Variants in MAP3K20 observed in about 807,000 individuals in gnomAD.
MAP3K20 encodes the protein HCCS-4.
In MAP3K20, 40 loss-of-function variants were observed where a neutral mutation model predicts 85.7. The observed-to-expected ratio is 0.47, with a 90% CI of 0.36 to 0.61. MAP3K20 has a LOEUF of 0.61. Ranked by LOEUF, MAP3K20 falls within the 20% of genes least tolerant of loss-of-function variation. The pLI is 0.00. For synonymous variants in MAP3K20, 325 were observed against 327.7 expected (o/e 0.99, Z 0.09); for missense variants, 817 against 961.7 (o/e 0.85, Z 1.99).
chr2:173,108,134 T>A (rs1265851022), intron 2 of MAP3K20, among the ~76,000 whole-genome samples: 5 of 120,680 alleles, frequency 4.1e-5, no homozygotes, highest in African/African-American at 9.6e-5. Context: ...GGGATTTTTA[T>A]TTTTTTTTTT....
At chr2:173,188,774 G>A (rs958661227) in intron 5 of MAP3K20, among the ~76,000 whole-genome samples, 1 of 152,102 alleles carries the variant, frequency 6.6e-6, no homozygotes, top group Non-Finnish European at 1.5e-5. Context: ...TAAGCTTCCT[G>A]GAACTAAGCA....
chr2:173,244,023 C>T (rs530075763), intron 16 of MAP3K20, among the ~76,000 whole-genome samples: 3 of 152,236 alleles, frequency 2.0e-5, no homozygotes, highest in Admixed American at 1.3e-4. Context: ...GAGTGGGCAG[C>T]GCAGACAACC....
At chr2:173,246,908 G>C (rs924383470) in intron 16 of MAP3K20, among the ~76,000 whole-genome samples, 1 of 152,134 alleles carries the variant, frequency 6.6e-6, no homozygotes, top group African/African-American at 2.4e-5. Flanking sequence ...TTCCAGACTG[G>C]AGCCACTCCT....
chr2:173,147,932 A>C (rs1377856147), intron 2 of MAP3K20, among the ~76,000 whole-genome samples: 2 of 152,194 alleles, frequency 1.3e-5, no homozygotes, highest in African/African-American at 4.8e-5. Flanking sequence ...CATTGTCTGT[A>C]ACTGGCCCCA....
rs138160655 is a variant in MAP3K20 at position 173,223,069 on chromosome 2, C to T, written c.987+5819C>T. On this transcript the variant is annotated intron_variant, in intron 11 of 19. Coordinates refer to ENST00000375213, the MANE Select transcript of MAP3K20 (RefSeq NM_016653.3). Reference sequence around the variant, plus strand: ...TCTAACTATATTTGATCATTAAAAGCCTCTTGGAATTTGAAGCGTGACGTG... The same window carrying T: ...TCTAACTATATTTGATCATTAAAAGTCTCTTGGAATTTGAAGCGTGACGTG... 8.5e-4 allele frequency: 834 copies of T among 985,380 alleles called. 6 individuals are homozygous for T. In the African/African-American group the frequency reaches 0.014, roughly 16 times the overall value. 61.0% of individuals were successfully genotyped at this position (985,380 alleles called of 1,614,324 possible).
chr2:173,125,650 T>C (rs1559241829), intron 2 of MAP3K20, among the ~76,000 whole-genome samples: 1 of 152,170 alleles, frequency 6.6e-6, no homozygotes, highest in Non-Finnish European at 1.5e-5. Flanking sequence ...CTTTCTTTTC[T>C]TTATTTCCTT....
At chr2:173,090,167 G>T (rs1047629098) in intron 1 of MAP3K20, among the ~76,000 whole-genome samples, 2 of 152,124 alleles carry the variant, frequency 1.3e-5, no homozygotes, top group African/African-American at 2.4e-5. Context: ...CAGTTTTTGT[G>T]TTTGTAAGTC....
At chr2:173,254,624 G>A (rs117534104) in intron 16 of MAP3K20, among the ~76,000 whole-genome samples, 50 of 152,126 alleles carry the variant, frequency 3.3e-4, no homozygotes, top group East Asian at 9.6e-4. Context: ...AGCCTTTTCC[G>A]GGGTTGATCA....
rs1406502723 is a variant in MAP3K20 at position 173,199,372 on chromosome 2, G to C, written c.669+1260G>C. Among the ~76,000 whole-genome samples the C allele has an allele frequency of 2.0e-5, 3 of 152,324 alleles. No homozygotes were observed. In the East Asian group the frequency reaches 5.8e-4, roughly 29 times the overall value. ...ATGAAAAGGAGTTATATGCAAGAAT[G>C]TGCCTTACTCATTGTTTCACAGGAG... On this transcript the variant is annotated intron_variant, in intron 8 of 19. Transcript: ENST00000375213.
intron 2 of MAP3K20, among the ~76,000 whole-genome samples, chr2:173,145,794 A>G (rs1689119786): frequency 6.6e-6 from 1 of 152,188 alleles, no homozygotes; most frequent in African/African-American, 2.4e-5. Flanking sequence ...ATATCCAAAA[A>G]AGACTAGTAT....
intron 5 of MAP3K20, among the ~76,000 whole-genome samples, chr2:173,189,726 C>T (rs975124106): frequency 3.3e-5 from 5 of 152,160 alleles, no homozygotes; most frequent in Non-Finnish European, 7.3e-5. Flanking sequence ...CAGTTTAAAG[C>T]CAGAGCTCCT....
intron 7 of MAP3K20, among the ~76,000 whole-genome samples, chr2:173,195,662 G>T (rs1690806051): frequency 7.0e-6 from 1 of 143,668 alleles, no homozygotes; most frequent in African/African-American, 2.5e-5. Flanking sequence ...AAAAGCTGAT[G>T]TCCTATCTTA....
rs201826869 is a variant in MAP3K20 at position 173,198,043 on chromosome 2, A to G, written c.600A>G (p.Leu200=). Residue 200 remains leucine, a synonymous_variant, in exon 8 of 20, where the codon CTA becomes CTG. Coordinates refer to ENST00000375213, the MANE Select transcript of MAP3K20 (RefSeq NM_016653.3). The surrounding 1 kb of genome is among the most constrained non-coding windows in gnomAD (Gnocchi z 5.8). The part of the protein sequence containing the change: ...YSYGVVLWEM[L]TREVPFKGLE... ...TGTTCCAGGTTCTCTGGGAGATGCTAACAAGGGAGGTCCCCTTTAAAGGTT... is the reference window on the plus strand; with the variant it reads ...TGTTCCAGGTTCTCTGGGAGATGCTGACAAGGGAGGTCCCCTTTAAAGGTT... 1.7e-5 allele frequency: 28 copies of G among 1,612,342 alleles called. No homozygotes were observed. In the East Asian group the frequency reaches 3.8e-4, roughly 22 times the overall value.
chr2:173,096,821 C>T (rs1031794430), intron 2 of MAP3K20, among the ~76,000 whole-genome samples: 4 of 152,110 alleles, frequency 2.6e-5, no homozygotes, highest in Non-Finnish European at 5.9e-5. Flanking sequence ...CTATTTATTT[C>T]TGTTTTAAAT....
rs151282349 is a variant in MAP3K20 at position 173,226,211 on chromosome 2, T to C, written c.988-3478T>C. 1,639 of 985,116 alleles carry C rather than the reference T, an allele frequency of 1.7e-3. 16 individuals carry two copies. In the African/African-American group the frequency reaches 0.026, roughly 16 times the overall value. 61.0% of individuals were successfully genotyped at this position (985,116 alleles called of 1,614,324 possible). On this transcript the variant is annotated intron_variant, in intron 11 of 19. Coordinates refer to ENST00000375213, the MANE Select transcript of MAP3K20 (RefSeq NM_016653.3). ...TAGGGGTCGGGGGAGGGTTTAGGAG[T>C]GATCCAGAATGACCTCCCAGAATTA... is the stretch of plus-strand genomic sequence containing the variant.
rs67882203 is a variant in MAP3K20, at chr2:173,169,719, CAAAA to C, written c.160-80_160-77del. The C allele has an allele frequency of 2.6e-4, 350 of 1,331,492 alleles. 3 individuals are homozygous for C. The African/African-American group carries it at 4.5e-3, about 17-fold the overall frequency. 82.5% of individuals were successfully genotyped at this position (1,331,492 alleles called of 1,614,324 possible). The stretch of plus-strand genomic sequence containing the variant: ...TGGACAACACAGCAAGACCCTAACT[CAAAA>C]AAAAATGAGTAGGAAGCCTGTTTTA... On this transcript the variant is annotated intron_variant, in intron 2 of 19. Transcript: ENST00000375213.
At chr2:173,161,764 C>T (rs1434139150) in intron 2 of MAP3K20, among the ~76,000 whole-genome samples, 1 of 152,174 alleles carries the variant, frequency 6.6e-6, no homozygotes, top group Non-Finnish European at 1.5e-5. Flanking sequence ...TCTTTAGTCT[C>T]ATAGCTTCTC....
intron 16 of MAP3K20, among the ~76,000 whole-genome samples, chr2:173,253,248 A>C (rs546164607): frequency 2.3e-4 from 35 of 152,316 alleles, no homozygotes; most frequent in African/African-American, 8.2e-4. Flanking sequence ...GTTGGTGACC[A>C]TATTGGTAAT....
chr2:173,094,578 C>G (rs1687405781), intron 2 of MAP3K20, among the ~76,000 whole-genome samples: 1 of 152,168 alleles, frequency 6.6e-6, no homozygotes, highest in African/African-American at 2.4e-5. Context: ...AACAGTTTCT[C>G]TGCCTTTCTC....
Sources: gnomAD v4.1 joint callset for allele counts (sites outside exome capture counted in the v4.1 genomes callset) on GRCh38, gnomAD v4.1.1 for gene constraint, Gnocchi (gnomAD v3.1) non-coding constraint, MANE v1.5 for transcripts, NCBI Gene and HGNC (gene_info 2026-07-23, HGNC 2026-07-21) for gene names.